JPH2: variants seen among roughly 807,000 people sequenced by gnomAD.
JPH2 encodes the protein junctophilin 2, also known as junctophilin-2.
Under a neutral mutation model 55.9 loss-of-function variants are expected in JPH2, and 38 were observed. That is an observed-to-expected ratio of 0.68 (90% CI 0.52 to 0.89). The LOEUF (loss-of-function observed/expected upper bound fraction) is 0.89, where lower values mean the gene tolerates loss of function less well. JPH2 is among the 40% of genes least tolerant of loss of function. JPH2 has a pLI of 0.00. For synonymous variants in JPH2, 480 were observed against 472.4 expected (o/e 1.02, Z -0.21); for missense variants, 964 against 1,037.6 (o/e 0.93, Z 0.97).
chr20:44,126,104 T>A (rs113942975), intron 2 of JPH2, among the ~76,000 whole-genome samples: 6 of 132,004 alleles, frequency 4.5e-5, no homozygotes, highest in Non-Finnish European at 9.4e-5. Flanking sequence ...TCAGCCTGAG[T>A]GACAAAGCAA....
chr20:44,177,529 G>A, intron 1 of JPH2: 1 of 1,088,332 alleles, frequency 9.2e-7, no homozygotes, highest in Non-Finnish European at 1.1e-6. Flanking sequence ...CTAAGGGTCT[G>A]CTGTGCTCTC....
chr20:44,177,606 C>T, intron 1 of JPH2: 1 of 1,171,982 alleles, frequency 8.5e-7, no homozygotes, highest in South Asian at 1.8e-5. Flanking sequence ...ACGCTGATGC[C>T]TGGCTGTGAA....
intron 2 of JPH2, among the ~76,000 whole-genome samples, chr20:44,155,261 A>G (rs2072557539): frequency 1.3e-5 from 2 of 152,260 alleles, no homozygotes; most frequent in South Asian, 4.1e-4. Flanking sequence ...TGGTGAAGCA[A>G]CTTGGGCAAG....
chr20:44,179,064 A>T lies in JPH2; in HGVS notation c.379+7263T>A, dbSNP rs542955241. ...GCGCAGAAGCTTGGGTTTTTGACCC[A>T]ATCGTCATAATTAAACATAAAGTCT... On this transcript the variant is annotated intron_variant, in intron 1 of 5. Transcript: ENST00000372980. 2.6e-5 allele frequency among the ~76,000 whole-genome samples: 4 copies of T among 152,322 alleles called. No homozygotes were observed. In the East Asian group the frequency reaches 7.7e-4, roughly 29 times the overall value.
chr20:44,160,009 C>T lies in JPH2; in HGVS notation c.778G>A (p.Ala260Thr), dbSNP rs1271731146. ...KSDLSSGASD[A>T]ASTASLGEAA... ...TCTCCCAGGCTGGCGGTGGACGCGG[C>T]GTCGCTGGCGCCCGAGCTGAGGTCG... The change falls in exon 2 of 6, where the codon GCC becomes ACC. Residue 260 changes from alanine (A) to threonine (T), a missense_variant. By Grantham distance (58) the Ala-to-Thr change is moderately conservative. Transcript: ENST00000372980. The surrounding 1 kb of genome is among the most constrained non-coding windows in gnomAD (Gnocchi z 4.9). 1 of 1,573,464 alleles carries T rather than the reference C, an allele frequency of 6.4e-7. No individual in the cohort carries two copies.
chr20:44,134,927 A>T (rs1459352684), intron 2 of JPH2, among the ~76,000 whole-genome samples: 1 of 82,612 alleles, frequency 1.2e-5, no homozygotes, highest in African/African-American at 4.6e-5. Flanking sequence ...ATATATATTT[A>T]TATATATATA....
intron 2 of JPH2, among the ~76,000 whole-genome samples, chr20:44,152,394 C>T (rs2072537323): frequency 6.6e-6 from 1 of 152,112 alleles, no homozygotes; most frequent in Non-Finnish European, 1.5e-5. Flanking sequence ...AATATATCCC[C>T]ACTGGGCACG....
In JPH2 at chr20:44,107,554, CA is replaced by C. The variant is rs1478773165; in HGVS notation, c.*5963del. ...CTTTTCCTTTGGCAGATGCAGAGAC[CA>C]AAAAAGCCCTAGGATATGTAGAACC... On this transcript the variant is annotated 3_prime_UTR_variant, in exon 6 of 6. Transcript: ENST00000372980. 6.6e-6 allele frequency among the ~76,000 whole-genome samples: 1 copy of C among 152,064 alleles called. No individual in the cohort carries two copies. The highest frequency in any genetic ancestry group is 1.5e-5 in the Non-Finnish European group (1 of 67,988).
chr20:44,145,947 T>C (rs1325128251), intron 2 of JPH2, among the ~76,000 whole-genome samples: 2 of 152,082 alleles, frequency 1.3e-5, no homozygotes, highest in African/African-American at 4.8e-5. Flanking sequence ...TTCTGAAGAC[T>C]GAAGGAAGCA....
chr20:44,136,082 A>G (rs2145859261), intron 2 of JPH2, among the ~76,000 whole-genome samples: 1 of 152,324 alleles, frequency 6.6e-6, no homozygotes, highest in Non-Finnish European at 1.5e-5. Flanking sequence ...CACAGACAGC[A>G]AGGGATGGCA....
intron 1 of JPH2, among the ~76,000 whole-genome samples, chr20:44,182,168 C>T (rs1014608672): frequency 1.3e-5 from 2 of 152,134 alleles, no homozygotes; most frequent in African/African-American, 4.8e-5. Flanking sequence ...GCCTGACTCC[C>T]AGCCGTTCCT....
At chr20:44,123,165 A>C (rs1182264725) in intron 2 of JPH2, among the ~76,000 whole-genome samples, 2 of 151,960 alleles carry the variant, frequency 1.3e-5, no homozygotes, top group Admixed American at 6.6e-5. Flanking sequence ...ATCTCCAACC[A>C]CCCGGCCCGC....
At chr20:44,143,062 A>G (rs1340119112) in intron 2 of JPH2, among the ~76,000 whole-genome samples, 3 of 152,190 alleles carry the variant, frequency 2.0e-5, no homozygotes, top group African/African-American at 4.8e-5. Flanking sequence ...AGATGAAAAG[A>G]GCAGGTGTTC....
intron 1 of JPH2, among the ~76,000 whole-genome samples, chr20:44,173,970 C>T (rs1314322978): frequency 2.0e-5 from 3 of 152,154 alleles, no homozygotes. Context: ...CTAGTCCAAG[C>T]CCATAAGTAA....
At position 44,136,523 on chromosome 20, in the gene JPH2, C is replaced by T. The variant is rs1465822238; in HGVS notation, c.1170-17900G>A. ...CTACTAGATGCCCGGCACTTGCATG[C>T]GTTTTCTTAATTAATTCTCACAATA... is the stretch of plus-strand genomic sequence containing the variant. On this transcript the variant is annotated intron_variant, in intron 2 of 5. Transcript: ENST00000372980. Among the ~76,000 whole-genome samples the T allele has an allele frequency of 5.3e-5, 8 of 152,040 alleles. No homozygotes were observed. In the South Asian group the frequency reaches 1.5e-3, roughly 28 times the overall value.
At chr20:44,153,924 TCAGGGTGTTGG>T (rs1192930593) in intron 2 of JPH2, among the ~76,000 whole-genome samples, 1 of 152,222 alleles carries the variant, frequency 6.6e-6, no homozygotes, top group Non-Finnish European at 1.5e-5. Flanking sequence ...CAAGCATTTG[TCAGGGTGTTGG>T]CATGACAACC....
rs1487282686 is a variant in JPH2, at chr20:44,134,047, AAT to A, written c.1170-15426_1170-15425del. ...ATATATAAATATATATTTATATATA[AAT>A]ATATATTTATTATAAATATATAAAT... is the stretch of plus-strand genomic sequence containing the variant. On this transcript the variant is annotated intron_variant, in intron 2 of 5. Coordinates refer to ENST00000372980, the MANE Select transcript of JPH2 (RefSeq NM_020433.5). Among the ~76,000 whole-genome samples the A allele has an allele frequency of 1.0e-4, 2 of 19,936 alleles. 1 individual carries two copies. The highest frequency in any genetic ancestry group is 1.6e-4 in the Non-Finnish European group (2 of 12,454). 13.1% of individuals were successfully genotyped at this position (19,936 alleles called of 152,430 possible).
intron 1 of JPH2, among the ~76,000 whole-genome samples, chr20:44,169,662 A>G (rs1349634123): frequency 6.6e-6 from 1 of 152,158 alleles, no homozygotes; most frequent in Non-Finnish European, 1.5e-5. Flanking sequence ...TTTCCAGGGA[A>G]CTATCTGAGG....
chr20:44,151,758 T>C (rs2072532427), intron 2 of JPH2, among the ~76,000 whole-genome samples: 1 of 152,190 alleles, frequency 6.6e-6, no homozygotes, highest in African/African-American at 2.4e-5. Flanking sequence ...TCAAAGCCCG[T>C]ACTAACCTGG....
Sources: gnomAD v4.1 joint callset for allele counts (sites outside exome capture counted in the v4.1 genomes callset) on GRCh38, gnomAD v4.1.1 for gene constraint, Gnocchi (gnomAD v3.1) non-coding constraint, MANE v1.5 for transcripts, NCBI Gene and HGNC (gene_info 2026-07-23, HGNC 2026-07-21) for gene names.